THSD4: variants seen among roughly 807,000 people sequenced by gnomAD.
The protein encoded by THSD4 is thrombospondin type-1 domain-containing protein 4.
THSD4 carries 69 observed loss-of-function variants against 119.0 expected under a neutral mutation model. That is an observed-to-expected ratio of 0.58 (90% CI 0.48 to 0.71). The LOEUF (loss-of-function observed/expected upper bound fraction) is 0.71, where lower values mean the gene tolerates loss of function less well. Among genes scored for constraint, THSD4 ranks in the 30% least tolerant of loss-of-function variants. THSD4 has a pLI of 0.00. For missense variants in THSD4, 1,393 were observed against 1,391.1 expected, an observed-to-expected ratio of 1.00 and a Z score of -0.02; for synonymous variants, 524 against 540.4, an observed-to-expected ratio of 0.97 and a Z score of 0.42.
intron 14 of THSD4, among the ~76,000 whole-genome samples, chr15:71,750,525 G>A (rs2141179937): frequency 6.6e-6 from 1 of 152,318 alleles, no homozygotes; most frequent in African/African-American, 2.4e-5. Context: ...TCCACCTCCA[G>A]AGATGGTCCT....
intron 7 of THSD4, among the ~76,000 whole-genome samples, chr15:71,622,748 G>C (rs1391334991): frequency 6.6e-6 from 1 of 152,184 alleles, no homozygotes; most frequent in Non-Finnish European, 1.5e-5. Flanking sequence ...AGATTTTTAA[G>C]TCAGTTATGA....
intron 7 of THSD4, among the ~76,000 whole-genome samples, chr15:71,460,948 C>G (rs906008336): frequency 1.3e-5 from 2 of 152,230 alleles, no homozygotes; most frequent in Non-Finnish European, 2.9e-5. Context: ...TGTTAACCCC[C>G]CCATATTCAT....
chr15:71,664,901 G>A (rs902402574), intron 8 of THSD4, among the ~76,000 whole-genome samples: 2 of 152,088 alleles, frequency 1.3e-5, no homozygotes, highest in Admixed American at 6.6e-5. Flanking sequence ...TCATTGTTGG[G>A]CATTTAGGTT....
chr15:71,390,849 CTT>C (rs1010882999), intron 6 of THSD4, among the ~76,000 whole-genome samples: 7 of 90,876 alleles, frequency 7.7e-5, no homozygotes, highest in African/African-American at 1.8e-4. Flanking sequence ...TTGGCTAAAT[CTT>C]TTTTTTTTTT....
intron 6 of THSD4, among the ~76,000 whole-genome samples, chr15:71,370,712 A>G (rs528088610): frequency 8.5e-5 from 13 of 152,190 alleles, no homozygotes; most frequent in Non-Finnish European, 1.2e-4. Context: ...TATGTGGTCA[A>G]TTTTAGAATA....
Position 71,625,533 on chromosome 15 carries a change from G to T in THSD4, c.1153-34997G>T, listed in dbSNP as rs568430126. Among the ~76,000 whole-genome samples, 10 of 152,246 alleles carry T rather than the reference G, an allele frequency of 6.6e-5. No homozygotes were observed. The South Asian group carries it at 2.1e-3, about 32-fold the overall frequency. On this transcript the variant is annotated intron_variant, in intron 7 of 17. Coordinates refer to ENST00000261862, the MANE Select transcript of THSD4 (RefSeq NM_024817.3). The stretch of plus-strand genomic sequence containing the variant: ...AACAGGAGGACAAAGGACAGAGTTG[G>T]GTACTAGAGACTATGATAAATCTCT...
At chr15:71,327,374 C>T (rs1232643360) in intron 6 of THSD4, among the ~76,000 whole-genome samples, 2 of 152,164 alleles carry the variant, frequency 1.3e-5, no homozygotes. Context: ...GGTTCTGGAA[C>T]CTCCCTTGGG....
intron 5 of THSD4, among the ~76,000 whole-genome samples, chr15:71,255,720 C>A (rs1264739498): frequency 6.6e-6 from 1 of 152,206 alleles, no homozygotes; most frequent in African/African-American, 2.4e-5. Flanking sequence ...CCAGGCCCCA[C>A]ACCTCACTGG....
At chr15:71,104,266 T>TTA (rs2141340561) in intron 1 of THSD4, among the ~76,000 whole-genome samples, 1 of 135,946 alleles carries the variant, frequency 7.4e-6, no homozygotes, top group African/African-American at 2.7e-5. Context: ...TAACTCTTTA[T>TTA]TATATGGCCG....
At chr15:71,274,053 C>G (rs2044562840) in intron 6 of THSD4, among the ~76,000 whole-genome samples, 1 of 152,164 alleles carries the variant, frequency 6.6e-6, no homozygotes, top group African/African-American at 2.4e-5. Flanking sequence ...ATTGGCTTAG[C>G]TTAGGCCACA....
intron 7 of THSD4, among the ~76,000 whole-genome samples, chr15:71,561,911 C>T (rs1007513563): frequency 2.5e-5 from 1 of 39,592 alleles, no homozygotes; most frequent in African/African-American, 1.1e-4. Context: ...CACACACACA[C>T]ACACACACAA....
intron 7 of THSD4, among the ~76,000 whole-genome samples, chr15:71,628,637 T>A (rs770608278): frequency 1.3e-5 from 2 of 152,218 alleles, no homozygotes; most frequent in Non-Finnish European, 2.9e-5. Flanking sequence ...TCCCAGGCAA[T>A]GTTGATGCTG....
At chr15:71,286,011 C>G (rs1450060520) in intron 6 of THSD4, among the ~76,000 whole-genome samples, 3 of 151,434 alleles carry the variant, frequency 2.0e-5, no homozygotes, top group Non-Finnish European at 4.4e-5. Flanking sequence ...GGTTTAGGCG[C>G]ATTTATATAT....
intron 8 of THSD4, among the ~76,000 whole-genome samples, chr15:71,690,217 G>A (rs1264337672): frequency 1.3e-5 from 2 of 152,204 alleles, no homozygotes; most frequent in African/African-American, 4.8e-5. Flanking sequence ...GTAATTGCCT[G>A]AGCCTTACAT....
intron 10 of THSD4, among the ~76,000 whole-genome samples, chr15:71,736,062 TCTCTCTGTCTCTCTCTTG>T (rs56651602): frequency 0.68 from 77,565 of 114,450 alleles, 27,414 homozygotes; most frequent in East Asian, 0.9. Context: ...TCTGTCTCTA[TCTCTCTGTCTCTCTCTTG>T]CTCTCTGTCT....
chr15:71,106,333 C>G (rs1169948941), intron 1 of THSD4, among the ~76,000 whole-genome samples: 1 of 152,162 alleles, frequency 6.6e-6, no homozygotes, highest in Non-Finnish European at 1.5e-5. Flanking sequence ...TGAGTATTCT[C>G]CACTCCCAGA....
In THSD4 at chr15:71,193,715, TC is replaced by T. The variant is rs1476026422; in HGVS notation, c.100-21319del. On this transcript the variant is annotated intron_variant, in intron 3 of 17. Transcript: ENST00000261862. ...TCATGAGATCTGATGGTTTTTCTTT[TC>T]TTTTTTTTTGAGACGGAGTCTCGCT... 1.5e-4 allele frequency among the ~76,000 whole-genome samples: 5 copies of T among 33,824 alleles called. No homozygotes were observed. In the East Asian group the frequency reaches 0.031, roughly 209 times the overall value. 22.2% of individuals were successfully genotyped at this position (33,824 alleles called of 152,430 possible). A position where few individuals can be genotyped will look rare whatever the true frequency, so the allele number is the denominator to read the frequency against.
intron 8 of THSD4, among the ~76,000 whole-genome samples, chr15:71,726,318 G>C (rs1315706126): frequency 2.6e-5 from 4 of 152,204 alleles, no homozygotes; most frequent in Non-Finnish European, 4.4e-5. Flanking sequence ...TGCAGTTTCT[G>C]ATTCTACAGG....
In THSD4 at chr15:71,660,419, C is replaced by T. The variant is rs2051278499; in HGVS notation, c.1153-111C>T. On this transcript the variant is annotated intron_variant, in intron 7 of 17. Transcript: ENST00000261862. ...GCTCCCACCCCACTCCTAGAATATA[C>T]ATTTCGTAAATAGCTAGAAAAGAAA... 6.1e-6 allele frequency: 8 copies of T among 1,321,418 alleles called. No individual in the cohort carries two copies. The South Asian group carries it at 7.8e-5, about 13-fold the overall frequency. 81.9% of individuals were successfully genotyped at this position (1,321,418 alleles called of 1,614,324 possible). A position where few individuals can be genotyped will look rare whatever the true frequency, so the allele number is the denominator to read the frequency against.
Sources: allele counts gnomAD v4.1 joint callset (sites outside exome capture counted in the v4.1 genomes callset), GRCh38; gene constraint gnomAD v4.1.1; transcripts MANE v1.5; gene names NCBI Gene and HGNC (gene_info 2026-07-23, HGNC 2026-07-21).